Variants in BSCL2 observed in about 807,000 individuals in gnomAD.
BSCL2 encodes the protein seipin.
A neutral mutation model predicts 57.4 loss-of-function variants in BSCL2; 41 were observed. The ratio of observed to expected loss-of-function variants is 0.71; its 90% CI spans 0.56 to 0.93. The LOEUF (loss-of-function observed/expected upper bound fraction) is 0.93. BSCL2 is among the 40% of genes least tolerant of loss of function. The pLI, the probability that BSCL2 is intolerant of heterozygous loss-of-function variation, is 0.00. For missense variants in BSCL2, 539 were observed against 586.7 expected, an observed-to-expected ratio of 0.92 and a Z score of 0.84; for synonymous variants, 237 against 227.3, an observed-to-expected ratio of 1.04 and a Z score of -0.38.
At chr11:62,692,918 G>A in intron 4 of BSCL2, 121 bp from the exon 5 acceptor site, 1 of 1,311,524 alleles carries the variant, frequency 7.6e-7, no homozygotes, top group Non-Finnish European at 1.1e-6. Context: ...GTCCCTGGCT[G>A]CCTCACCTTC....
At chr11:62,704,651 C>T (rs1160110398) in intron 2 of BSCL2, among the ~76,000 whole-genome samples, 6 of 152,092 alleles carry the variant, frequency 3.9e-5, no homozygotes, top group African/African-American at 7.2e-5. Flanking sequence ...ACTTGGGAGG[C>T]TGAGGCACGA....
chr11:62,704,788 G>A (rs545913541), intron 2 of BSCL2, among the ~76,000 whole-genome samples: 1 of 152,276 alleles, frequency 6.6e-6, no homozygotes, highest in East Asian at 1.9e-4. Context: ...TGTAAAATGA[G>A]AAGGAACCTA....
rs1057517658 is a variant in BSCL2 at position 62,705,357 on chromosome 11, G to GAA, written c.346_347dup (p.Tyr117SerfsTer40). 2 of 1,614,090 alleles carry GAA rather than the reference G, an allele frequency of 1.2e-6. No individual in the cohort carries two copies. Among genetic ancestry groups the GAA allele is most frequent in the South Asian group, 2.2e-5 (2 of 91,062 alleles). On this transcript the variant is annotated frameshift_variant, in exon 2 of 11. Transcript: ENST00000360796. LOFTEE classifies it high-confidence loss of function. The stretch of plus-strand genomic sequence containing the variant: ...TGACTGTCGGCATATAGGAATAGTA[G>GAA]AAGGAGCCATAGAGGAAGACAGACA...
Position 62,707,126 on chromosome 11 carries a change from C to G in BSCL2, c.70G>C (p.Gly24Arg). 6.4e-7 allele frequency: 1 copy of G among 1,554,286 alleles called. No individual in the cohort carries two copies. The highest frequency in any genetic ancestry group is 8.7e-7 in the Non-Finnish European group (1 of 1,147,748). The stretch of plus-strand genomic sequence containing the variant: ...GCCCCTACCTCCTCTTTGTCCGGTC[C>G]TTTGATCTGGTCTCCGCACACCTCT... ...EKEVCGDQIK[G>R]PDKEEEPPAA... Residue 24 changes from glycine to arginine, a missense_variant, in exon 1 of 11, where the codon GGA (glycine) becomes CGA (arginine). Coordinates refer to ENST00000360796, the MANE Select transcript of BSCL2 (RefSeq NM_001122955.4).
rs764000384 is a variant in BSCL2 at position 62,690,538 on chromosome 11, A to G, written c.1235-17T>C. On this transcript the variant is annotated splice_polypyrimidine_tract_variant and intron_variant, in intron 10 of 10. Coordinates refer to ENST00000360796, the MANE Select transcript of BSCL2 (RefSeq NM_001122955.4). Reference sequence around the variant, plus strand: ...AGCCTGAACCTGGGCCAGGAAAGGGAAAAACAAAATCTCAAATGGGATATT... The same window carrying G: ...AGCCTGAACCTGGGCCAGGAAAGGGGAAAACAAAATCTCAAATGGGATATT... 1 of 1,614,028 alleles carries G rather than the reference A, an allele frequency of 6.2e-7. No individual in the cohort carries two copies. Among genetic ancestry groups the G allele is most frequent in the Non-Finnish European group, 8.5e-7 (1 of 1,180,006 alleles).
chr11:62,691,330 T>C lies in BSCL2; in HGVS notation c.955A>G (p.Met319Val), dbSNP rs369511412. ...CAGATGCCCCCCCACACCCACTGCA[T>C]GTAGCTGAAGAGCACGATGACGCTG... Reference protein sequence around the residue: ...FLSVIVLFSYMQWVWGGIWPR... With the variant: ...FLSVIVLFSYVQWVWGGIWPR... The change falls in exon 7 of 11, where the codon ATG (methionine) becomes GTG (valine). Residue 319 changes from methionine to valine, a missense_variant. By Grantham distance (21) the Met-to-Val change is conservative (BLOSUM62 1). This residue lies in a region of BSCL2 where 248 missense variants were observed against 239.9 expected (regional missense o/e 1.03). Coordinates refer to ENST00000360796, the MANE Select transcript of BSCL2 (RefSeq NM_001122955.4). 6.2e-6 allele frequency: 10 copies of C among 1,614,026 alleles called. No individual in the cohort carries two copies. Among genetic ancestry groups the C allele is most frequent in the Middle Eastern group, 1.6e-4 (1 of 6,084 alleles).
At position 62,705,470 on chromosome 11, in the gene BSCL2, C is replaced by T; in HGVS notation, c.235G>A (p.Glu79Lys). Residue 79 changes from glutamate (E) to lysine (K), a missense_variant, in exon 2 of 11, where the codon GAG becomes AAG. By Grantham distance (56) the Glu-to-Lys change is moderately conservative (BLOSUM62 1). Coordinates refer to ENST00000360796, the MANE Select transcript of BSCL2 (RefSeq NM_001122955.4). The stretch of plus-strand genomic sequence containing the variant: ...CGGCCTGCCAAGACTTGGCCCACCT[C>T]CTGGGCCCACAGTAAGGCAGGTACT... The part of the protein sequence containing the change: ...PPVPALLWAQ[E>K]VGQVLAGRAR... 6.2e-7 allele frequency: 1 copy of T among 1,614,214 alleles called. No homozygotes were observed. The highest frequency in any genetic ancestry group is 1.3e-5 in the African/African-American group (1 of 75,052).
At chr11:62,700,273 A>G (rs929757391) in intron 3 of BSCL2, among the ~76,000 whole-genome samples, 1 of 151,860 alleles carries the variant, frequency 6.6e-6, no homozygotes, top group Admixed American at 6.6e-5. Flanking sequence ...CCCAGACTCT[A>G]TAGGTTATAC....
rs991576528 is a variant in BSCL2 at position 62,703,836 on chromosome 11, T to C, written c.405-1287A>G. ...ACAACCACTGTTAAGAAAAGAGAAC[T>C]AGGCCGGGCGCAGTGGCTCATGCTT... On this transcript the variant is annotated intron_variant, in intron 2 of 10. Coordinates refer to ENST00000360796, the MANE Select transcript of BSCL2 (RefSeq NM_001122955.4). 7.9e-5 allele frequency among the ~76,000 whole-genome samples: 12 copies of C among 151,516 alleles called. No individual in the cohort carries two copies. In the South Asian group the frequency reaches 2.3e-3, roughly 29 times the overall value.
rs779111644 is a variant in BSCL2 at position 62,705,285 on chromosome 11, A to G, written c.404+16T>C. ...TCCCATAGGAGTCCTCTATTTTGATAGAAGGCCCCTCTCACCTGTAGTAGA... is the reference window on the plus strand; with the variant it reads ...TCCCATAGGAGTCCTCTATTTTGATGGAAGGCCCCTCTCACCTGTAGTAGA... On this transcript the variant is annotated intron_variant, in intron 2 of 10. Coordinates refer to ENST00000360796, the MANE Select transcript of BSCL2 (RefSeq NM_001122955.4). The G allele has an allele frequency of 6.9e-6, 11 of 1,595,082 alleles. No individual in the cohort carries two copies. Among genetic ancestry groups the G allele is most frequent in the Admixed American group, 3.6e-5 (2 of 56,288 alleles).
chr11:62,706,092 C>T, intron 1 of BSCL2: 1 of 458,756 alleles, frequency 2.2e-6, no homozygotes, highest in South Asian at 5.7e-5. Flanking sequence ...GAGCAGAGCT[C>T]GCTCACCGAC....
chr11:62,708,606 C>T, upstream of BSCL2: 1 of 1,587,332 alleles, frequency 6.3e-7, no homozygotes, highest in Non-Finnish European at 8.6e-7. Context: ...AAAAGAGAAC[C>T]CATTTGGGGA....
intron 3 of BSCL2, among the ~76,000 whole-genome samples, chr11:62,701,497 T>C (rs1355779655): frequency 6.6e-6 from 1 of 152,192 alleles, no homozygotes; most frequent in African/African-American, 2.4e-5. Flanking sequence ...CCTATACTTA[T>C]AATAAAGTAG....
intron 2 of BSCL2, among the ~76,000 whole-genome samples, chr11:62,703,675 G>A (rs1325067569): frequency 6.6e-6 from 1 of 151,828 alleles, no homozygotes; most frequent in Non-Finnish European, 1.5e-5. Context: ...ATGGCAGGAA[G>A]GGCCATAAGA....
At chr11:62,708,153 G>C, upstream of BSCL2, 1 of 686,898 alleles carries the variant, frequency 1.5e-6, no homozygotes, top group Non-Finnish European at 2.7e-6. Context: ...GGATGAGACA[G>C]TCCACTGGAG....
intron 1 of BSCL2, 31 bp from the exon 2 acceptor site, chr11:62,705,648 CTCCTT>C (rs1248709329): frequency 1.4e-6 from 2 of 1,475,056 alleles, no homozygotes; most frequent in Non-Finnish European, 1.8e-6. Flanking sequence ...AAAAGAGTGA[CTCCTT>C]TCCCCAGGGA....
chr11:62,705,395 G>C lies in BSCL2; in HGVS notation c.310C>G (p.Leu104Val). 1 of 1,614,226 alleles carries C rather than the reference G, an allele frequency of 6.2e-7. No homozygotes were observed. Among genetic ancestry groups the C allele is most frequent in the African/African-American group, 1.3e-5 (1 of 75,064 alleles). Residue 104 changes from leucine (L) to valine (V), a missense_variant, in exon 2 of 11, where the codon CTT (leucine) becomes GTT (valine). By Grantham distance (32) the Leu-to-Val change is conservative (BLOSUM62 1). Around this residue, in one of 3 missense-constraint regions of BSCL2, gnomAD observed 218 missense variants for 224.8 expected, o/e 0.97. Transcript: ENST00000360796. ...QFGVLFCTIL[L>V]LLWVSVFLYG... is the part of the protein sequence containing the mutation. ...AGGAAGACAGACACCCAGAGCAAAA[G>C]GAGGATGGTGCAGAAGAGCACCCCA...
chr11:62,702,156 T>C (rs556825832), intron 3 of BSCL2, among the ~76,000 whole-genome samples: 34 of 151,826 alleles, frequency 2.2e-4, no homozygotes, highest in African/African-American at 8.0e-4. Flanking sequence ...AACCTCCTCC[T>C]CCCGGATTCA....
chr11:62,696,496 A>AG (rs1421491091), intron 3 of BSCL2, among the ~76,000 whole-genome samples: 2 of 150,034 alleles, frequency 1.3e-5, no homozygotes, highest in Non-Finnish European at 3.0e-5. Flanking sequence ...TTGGAGAGAC[A>AG]GGGGTCTTGC....
Sources: gnomAD v4.1 joint callset for allele counts (sites outside exome capture counted in the v4.1 genomes callset) on GRCh38, gnomAD v4.1.1 for gene constraint, gnomAD v4.1.1 regional missense constraint, MANE v1.5 for transcripts, NCBI Gene and HGNC (gene_info 2026-07-23, HGNC 2026-07-21) for gene names.